EFCAB6: variants seen among roughly 807,000 people sequenced by gnomAD.
EFCAB6 encodes EF-hand calcium binding domain 6, also known as EF-hand calcium-binding domain-containing protein 6.
A neutral mutation model predicts 169.8 loss-of-function variants in EFCAB6; 156 were observed. That is an observed-to-expected ratio of 0.92 (90% CI 0.81 to 1.05). The LOEUF (loss-of-function observed/expected upper bound fraction) is 1.05, where lower values mean the gene tolerates loss of function less well. EFCAB6 is among the 50% of genes least tolerant of loss of function. The pLI, the probability that EFCAB6 is intolerant of heterozygous loss-of-function variation, is 0.00. For missense variants in EFCAB6, 1,800 were observed against 1,829.1 expected, an observed-to-expected ratio of 0.98 and a Z score of 0.29; for synonymous variants, 698 against 676.4, an observed-to-expected ratio of 1.03 and a Z score of -0.50.
chr22:43,721,369 A>G (rs2059519261), intron 8 of EFCAB6, among the ~76,000 whole-genome samples: 2 of 152,356 alleles, frequency 1.3e-5, no homozygotes, highest in African/African-American at 4.8e-5. Flanking sequence ...AGAATTAGAA[A>G]AAGCTATCCT....
chr22:43,577,201 G>T (rs911855929), intron 25 of EFCAB6, among the ~76,000 whole-genome samples: 1 of 152,168 alleles, frequency 6.6e-6, no homozygotes, highest in African/African-American at 2.4e-5. Context: ...GCTATAAAAA[G>T]AAAGCACATT....
chr22:43,804,758 CAAAAAA>C (rs57008458), intron 2 of EFCAB6, among the ~76,000 whole-genome samples: 4 of 127,054 alleles, frequency 3.1e-5, no homozygotes, highest in African/African-American at 3.0e-5. Flanking sequence ...AGCCCTGCCT[CAAAAAA>C]AAAAAAAAAA....
intron 12 of EFCAB6, among the ~76,000 whole-genome samples, chr22:43,680,691 T>C (rs187183298): frequency 2.4e-4 from 36 of 152,326 alleles, no homozygotes; most frequent in Middle Eastern, 3.4e-3. Context: ...TCCTAGGTAT[T>C]TTATTCTTTT....
chr22:43,538,383 GT>G (rs1021768998), intron 28 of EFCAB6, among the ~76,000 whole-genome samples: 1 of 151,872 alleles, frequency 6.6e-6, no homozygotes, highest in African/African-American at 2.4e-5. Flanking sequence ...AGTGTTTTTT[GT>G]TTTTTTGTTT....
chr22:43,529,336 G>A (rs1019603719), intron 31 of EFCAB6, among the ~76,000 whole-genome samples: 47 of 152,234 alleles, frequency 3.1e-4, no homozygotes, highest in Non-Finnish European at 4.0e-4. Flanking sequence ...GAGCCTCAGG[G>A]TGCGCCCAGG....
chr22:43,749,536 G>T (rs111891762), intron 6 of EFCAB6, among the ~76,000 whole-genome samples: 12,659 of 152,140 alleles, frequency 0.083, 658 homozygotes, highest in South Asian at 0.16. Flanking sequence ...CATAAGGAGC[G>T]TGCAACGTAG....
intron 23 of EFCAB6, among the ~76,000 whole-genome samples, chr22:43,591,258 C>T (rs182844753): frequency 0.015 from 2,311 of 150,996 alleles, 63 homozygotes; most frequent in African/African-American, 0.054. Flanking sequence ...GAGTTCGAGA[C>T]CAGCCTGGCC....
intron 17 of EFCAB6, among the ~76,000 whole-genome samples, chr22:43,653,953 T>C (rs1342371188): frequency 6.6e-6 from 1 of 151,786 alleles, no homozygotes; most frequent in African/African-American, 2.4e-5. Context: ...AAAGTAAAAA[T>C]CAGTGAAGTA....
At chr22:43,578,684 G>A (rs1037470913) in intron 25 of EFCAB6, among the ~76,000 whole-genome samples, 6 of 148,132 alleles carry the variant, frequency 4.1e-5, no homozygotes, top group African/African-American at 2.5e-5. Context: ...CATTCCCTAC[G>A]TGCAGGCATT....
chr22:43,697,951 T>C (rs893306006), intron 10 of EFCAB6, among the ~76,000 whole-genome samples: 1 of 152,062 alleles, frequency 6.6e-6, no homozygotes, highest in Non-Finnish European at 1.5e-5. Flanking sequence ...ATCATATCGG[T>C]CATAGGGACC....
At chr22:43,630,996 T>C (rs1433423510) in intron 19 of EFCAB6, among the ~76,000 whole-genome samples, 1 of 152,056 alleles carries the variant, frequency 6.6e-6, no homozygotes, top group African/African-American at 2.4e-5. Context: ...ATGTCATAAA[T>C]ACACGGGCAT....
In EFCAB6 at chr22:43,540,274, C is replaced by G. The variant is rs752175148; in HGVS notation, c.3732G>C (p.Glu1244Asp). Residue 1244 changes from glutamate to aspartate, a missense_variant, in exon 28 of 32, where the codon GAG becomes GAC. Glu to Asp is a conservative substitution (Grantham distance 45). Transcript: ENST00000262726. ...CAGTGGCCATTGGTGTGGCTGCTGT[C>G]TCGGAACTGAACCTGCTCAGGAAGT... is the stretch of plus-strand genomic sequence containing the variant. ...YPDFLSRFSSETAATPMATGD... is the reference protein window; with the variant it reads ...YPDFLSRFSSDTAATPMATGD... 1 of 1,614,242 alleles carries G rather than the reference C, an allele frequency of 6.2e-7. No individual in the cohort carries two copies. Among genetic ancestry groups the G allele is most frequent in the Non-Finnish European group, 8.5e-7 (1 of 1,180,048 alleles).
intron 11 of EFCAB6, among the ~76,000 whole-genome samples, chr22:43,684,795 T>G (rs941757843): frequency 1.3e-5 from 2 of 152,230 alleles, no homozygotes; most frequent in Non-Finnish European, 2.9e-5. Context: ...GAGATGCTTT[T>G]TACAGCAGAT....
chr22:43,618,842 G>GA (rs1032021743), intron 20 of EFCAB6, among the ~76,000 whole-genome samples: 3 of 151,608 alleles, frequency 2.0e-5, no homozygotes, highest in African/African-American at 7.2e-5. Context: ...TCTCTAACCA[G>GA]AAAAAATGGG....
intron 26 of EFCAB6, among the ~76,000 whole-genome samples, chr22:43,570,701 G>A (rs2049803920): frequency 6.6e-6 from 1 of 151,596 alleles, no homozygotes; most frequent in African/African-American, 2.4e-5. Flanking sequence ...ATGCCTTCTA[G>A]GCCAGTGCTT....
chr22:43,529,678 T>C (rs1270849566), intron 31 of EFCAB6, among the ~76,000 whole-genome samples: 1 of 152,124 alleles, frequency 6.6e-6, no homozygotes, highest in Admixed American at 6.5e-5. Context: ...ATGCTGGGGC[T>C]CCAGCAGCCA....
intron 20 of EFCAB6, among the ~76,000 whole-genome samples, chr22:43,616,257 T>G (rs1011895092): frequency 6.6e-6 from 1 of 152,206 alleles, no homozygotes; most frequent in Non-Finnish European, 1.5e-5. Context: ...AGCTAAAAAC[T>G]TTTATTTCTG....
At chr22:43,810,650 G>A (rs998218925) in intron 1 of EFCAB6, among the ~76,000 whole-genome samples, 7 of 152,180 alleles carry the variant, frequency 4.6e-5, no homozygotes, top group African/African-American at 1.7e-4. Flanking sequence ...TGTACAAGGG[G>A]AAGAGGTAGA....
chr22:43,608,182 T>A (rs1363254142), intron 22 of EFCAB6, among the ~76,000 whole-genome samples: 2 of 152,192 alleles, frequency 1.3e-5, no homozygotes, highest in Non-Finnish European at 2.9e-5. Context: ...GTTAAAACAG[T>A]AAAGGTCTGG....
Sources: gnomAD v4.1 joint callset for allele counts (sites outside exome capture counted in the v4.1 genomes callset) on GRCh38, gnomAD v4.1.1 for gene constraint, MANE v1.5 for transcripts, NCBI Gene and HGNC (gene_info 2026-07-23, HGNC 2026-07-21) for gene names.